The following RALGPS1 variants were observed in gnomAD, a reference collection of about 807,000 sequenced individuals.
RALGPS1 encodes the protein Ral GEF with PH domain and SH3 binding motif 1.
A neutral mutation model predicts 78.8 loss-of-function variants in RALGPS1; 19 were observed. The ratio of observed to expected loss-of-function variants is 0.24; its 90% CI spans 0.17 to 0.35. The LOEUF is 0.35. RALGPS1 is among the 10% of genes least tolerant of loss of function. RALGPS1 has a pLI of 1.00. For missense variants in RALGPS1, 454 were observed against 688.3 expected (o/e 0.66, Z 3.81); for synonymous variants, 228 against 256.3 (o/e 0.89, Z 1.06).
At chr9:127,051,632 G>A (rs1415565108) in intron 6 of RALGPS1, among the ~76,000 whole-genome samples, 1 of 152,218 alleles carries the variant, frequency 6.6e-6, no homozygotes, top group Non-Finnish European at 1.5e-5. Context: ...GAAGTATTTA[G>A]CTCATGTGGT....
intron 14 of RALGPS1, among the ~76,000 whole-genome samples, chr9:127,209,809 C>G (rs1341189183): frequency 6.6e-6 from 1 of 152,186 alleles, no homozygotes; most frequent in Non-Finnish European, 1.5e-5. Flanking sequence ...CCCACAGGTA[C>G]TGATGTCACA....
At chr9:127,025,715 C>G (rs778499780) in intron 4 of RALGPS1, among the ~76,000 whole-genome samples, 13 of 150,464 alleles carry the variant, frequency 8.6e-5, no homozygotes, top group Non-Finnish European at 1.5e-4. Flanking sequence ...TTTTTTGAGA[C>G]AGTCTTTGTT....
chr9:126,919,215 T>C (rs939974991), intron 1 of RALGPS1, among the ~76,000 whole-genome samples: 10 of 152,198 alleles, frequency 6.6e-5, no homozygotes, highest in African/African-American at 2.4e-4. Context: ...GTATATACAG[T>C]TCCTTCTTAA....
intron 8 of RALGPS1, among the ~76,000 whole-genome samples, chr9:127,105,343 A>G (rs950084301): frequency 1.2e-4 from 18 of 152,220 alleles, no homozygotes; most frequent in Non-Finnish European, 1.0e-4. Flanking sequence ...ACACTTGGAT[A>G]CACACAGCCC....
intron 8 of RALGPS1, among the ~76,000 whole-genome samples, chr9:127,160,466 C>G (rs902900099): frequency 6.6e-6 from 1 of 152,230 alleles, no homozygotes; most frequent in Non-Finnish European, 1.5e-5. Flanking sequence ...CTGGTTGGCA[C>G]TCATGTGGCA....
At position 127,196,478 on chromosome 9, in the gene RALGPS1, A is replaced by T. The variant is rs1190552747; in HGVS notation, c.1042A>T (p.Met348Leu). 6.2e-7 allele frequency: 1 copy of T among 1,610,830 alleles called. No individual in the cohort carries two copies. Among genetic ancestry groups the T allele is most frequent in the Admixed American group, 1.7e-5 (1 of 59,298 alleles). Residue 348 changes from methionine (M) to leucine (L), a missense_variant, in exon 13 of 19, where the codon ATG becomes TTG. Coordinates refer to ENST00000259351, the MANE Select transcript of RALGPS1 (RefSeq NM_014636.3). ...TTCTTCCTTTCCATTTTCCAGTATG[A>T]TGTGTCAGTTGAGTGTAGTTGAGAG... The part of the protein sequence containing the change: ...RKSHSLGNNM[M>L]CQLSVVESKS...
chr9:127,011,873 G>A (rs2044376823), intron 4 of RALGPS1, among the ~76,000 whole-genome samples: 1 of 152,136 alleles, frequency 6.6e-6, no homozygotes, highest in Non-Finnish European at 1.5e-5. Context: ...TAAATACTTG[G>A]GTTTGCCTCA....
At chr9:127,056,642 C>T (rs1438737251) in intron 7 of RALGPS1, among the ~76,000 whole-genome samples, 2 of 152,164 alleles carry the variant, frequency 1.3e-5, no homozygotes, top group African/African-American at 2.4e-5. Context: ...ATTCTTGATG[C>T]ACCTGTCTGG....
chr9:127,111,311 C>G (rs939591404), intron 8 of RALGPS1, among the ~76,000 whole-genome samples: 1 of 152,246 alleles, frequency 6.6e-6, no homozygotes, highest in Non-Finnish European at 1.5e-5. Flanking sequence ...CATTCCCCCT[C>G]CAGTGTCCTT....
In RALGPS1 at chr9:126,954,494, C is replaced by T. The variant is rs2038161538; in HGVS notation, c.-65-7731C>T. Among the ~76,000 whole-genome samples, 3 of 152,228 alleles carry T rather than the reference C, an allele frequency of 2.0e-5. No individual in the cohort carries two copies. The South Asian group carries it at 6.2e-4, about 32-fold the overall frequency. On this transcript the variant is annotated intron_variant, in intron 1 of 18. Coordinates refer to ENST00000259351, the MANE Select transcript of RALGPS1 (RefSeq NM_014636.3). ...GATCATGTCACTCCCCTGCTCAACACTCTCTAGCACAGCCAGGCATGGTGG... is the reference window on the plus strand; with the variant it reads ...GATCATGTCACTCCCCTGCTCAACATTCTCTAGCACAGCCAGGCATGGTGG...
At chr9:126,960,449 T>G (rs1216120680) in intron 1 of RALGPS1, among the ~76,000 whole-genome samples, 1 of 151,688 alleles carries the variant, frequency 6.6e-6, no homozygotes, top group Admixed American at 6.6e-5. Context: ...GGCCAGGCTG[T>G]TCTCGAACTC....
chr9:127,089,213 C>T (rs1022242201), intron 8 of RALGPS1: 27 of 1,486,650 alleles, frequency 1.8e-5, no homozygotes, highest in South Asian at 4.6e-5. Flanking sequence ...TCAGGGCTTT[C>T]GGCAAAGCCC....
Position 127,091,844 on chromosome 9 carries a change from C to G in RALGPS1, c.610+22488C>G. 1 of 1,614,204 alleles carries G rather than the reference C, an allele frequency of 6.2e-7. No homozygotes were observed. The highest frequency in any genetic ancestry group is 8.5e-7 in the Non-Finnish European group (1 of 1,180,040). On this transcript the variant is annotated intron_variant, in intron 8 of 18. Transcript: ENST00000259351. The surrounding 1 kb of genome is among the most constrained non-coding windows in gnomAD (Gnocchi z 4.3). Reference sequence around the variant, plus strand: ...AAGACTTTGCGGCCGGACCAGTCCTCCATGGTCACCAGGAGTTTGTAGTTG... The same window carrying G: ...AAGACTTTGCGGCCGGACCAGTCCTGCATGGTCACCAGGAGTTTGTAGTTG...
At chr9:127,185,446 G>A (rs1031374336) in intron 11 of RALGPS1, among the ~76,000 whole-genome samples, 14 of 152,192 alleles carry the variant, frequency 9.2e-5, no homozygotes, top group Admixed American at 7.2e-4. Context: ...GGGCTGTCCC[G>A]TTCACTGGCT....
chr9:127,068,589 C>T (rs922921553), intron 7 of RALGPS1, among the ~76,000 whole-genome samples: 4 of 152,164 alleles, frequency 2.6e-5, no homozygotes, highest in Non-Finnish European at 5.9e-5. Flanking sequence ...AGCTTTCCAT[C>T]TCTGTGATGT....
intron 8 of RALGPS1, among the ~76,000 whole-genome samples, chr9:127,139,962 C>T (rs961945937): frequency 4.6e-5 from 7 of 152,200 alleles, no homozygotes; most frequent in African/African-American, 7.2e-5. Context: ...AGCCGCCATC[C>T]GCTCATGGCA....
intron 11 of RALGPS1, among the ~76,000 whole-genome samples, chr9:127,192,077 G>A (rs1027440353): frequency 1.3e-5 from 2 of 152,236 alleles, no homozygotes; most frequent in African/African-American, 4.8e-5. Flanking sequence ...TTTCAAGCAA[G>A]GCGGTGACAT....
chr9:126,940,860 T>A (rs2036714965), intron 1 of RALGPS1, among the ~76,000 whole-genome samples: 1 of 152,202 alleles, frequency 6.6e-6, no homozygotes, highest in African/African-American at 2.4e-5. Flanking sequence ...CTCTGAGCCA[T>A]CCTTGTCTGT....
intron 9 of RALGPS1, among the ~76,000 whole-genome samples, chr9:127,167,288 T>G (rs752352933): frequency 2.0e-5 from 3 of 152,132 alleles, no homozygotes; most frequent in Non-Finnish European, 4.4e-5. Flanking sequence ...TTCCCACACT[T>G]CAGGGCCGCT....
Sources: gnomAD v4.1 joint callset for allele counts (sites outside exome capture counted in the v4.1 genomes callset) on GRCh38, gnomAD v4.1.1 for gene constraint, Gnocchi (gnomAD v3.1) non-coding constraint, MANE v1.5 for transcripts, NCBI Gene and HGNC (gene_info 2026-07-23, HGNC 2026-07-21) for gene names.